Variants in FAM117B observed in about 807,000 individuals in gnomAD.
FAM117B encodes the protein family with sequence similarity 117 member B.
Under a neutral mutation model 52.8 loss-of-function variants are expected in FAM117B, and 22 were observed. That is an observed-to-expected ratio of 0.42 (90% confidence interval 0.30 to 0.59). FAM117B has a LOEUF of 0.59. FAM117B is among the 20% of genes least tolerant of loss of function. The pLI, the probability that FAM117B is intolerant of heterozygous loss-of-function variation, is 0.22. For synonymous variants in FAM117B, 309 were observed against 324.1 expected (o/e 0.95, Z 0.50); for missense variants, 678 against 802.6 (o/e 0.84, Z 1.88).
intron 1 of FAM117B, among the ~76,000 whole-genome samples, chr2:202,655,905 A>T (rs1301842426): frequency 3.9e-5 from 6 of 152,152 alleles, no homozygotes; most frequent in Non-Finnish European, 7.3e-5. Context: ...TTTTGTTAGA[A>T]AAATTTTAAC....
intron 4 of FAM117B, among the ~76,000 whole-genome samples, chr2:202,738,936 C>T (rs1008811636): frequency 6.6e-6 from 1 of 152,158 alleles, no homozygotes; most frequent in Non-Finnish European, 1.5e-5. Flanking sequence ...CGCCTGTAAT[C>T]CCAGCACTTC....
intron 4 of FAM117B, among the ~76,000 whole-genome samples, chr2:202,741,037 C>T (rs1691526155): frequency 6.6e-6 from 1 of 152,104 alleles, no homozygotes; most frequent in Non-Finnish European, 1.5e-5. Flanking sequence ...AGGAACAAGG[C>T]AAGGATTCTT....
chr2:202,666,136 ATTG>A (rs1255326049), intron 1 of FAM117B, among the ~76,000 whole-genome samples: 1 of 152,202 alleles, frequency 6.6e-6, no homozygotes, highest in Non-Finnish European at 1.5e-5. Context: ...TGGGAATGGT[ATTG>A]TTACAAAGCA....
At chr2:202,672,159 C>T (rs559028498) in intron 1 of FAM117B, among the ~76,000 whole-genome samples, 214 of 152,274 alleles carry the variant, frequency 1.4e-3, no homozygotes, top group Non-Finnish European at 2.8e-3. Context: ...CACATTTATT[C>T]TTTTTTATTT....
At chr2:202,764,880 G>T (rs575648109) in intron 7 of FAM117B, among the ~76,000 whole-genome samples, 20 of 152,244 alleles carry the variant, frequency 1.3e-4, no homozygotes, top group Non-Finnish European at 2.4e-4. Flanking sequence ...TCAAAGAATT[G>T]TTTCCATCAA....
At chr2:202,685,424 G>A (rs1690524167) in intron 1 of FAM117B, among the ~76,000 whole-genome samples, 1 of 152,072 alleles carries the variant, frequency 6.6e-6, no homozygotes, top group Non-Finnish European at 1.5e-5. Flanking sequence ...TATAATATAA[G>A]CCTGCAGTTA....
intron 1 of FAM117B, among the ~76,000 whole-genome samples, chr2:202,676,381 T>G (rs961555676): frequency 1.4e-4 from 22 of 152,096 alleles, no homozygotes; most frequent in Non-Finnish European, 2.4e-4. Flanking sequence ...CCTTGTTTTT[T>G]TTTTTTTTTT....
chr2:202,713,480 T>G (rs1690988213), intron 2 of FAM117B, among the ~76,000 whole-genome samples: 1 of 152,208 alleles, frequency 6.6e-6, no homozygotes, highest in Admixed American at 6.5e-5. Flanking sequence ...TTTTGTTTTG[T>G]TGATCTTTTG....
At chr2:202,693,960 A>C (rs1156491623) in intron 1 of FAM117B, among the ~76,000 whole-genome samples, 1 of 152,148 alleles carries the variant, frequency 6.6e-6, no homozygotes, top group African/African-American at 2.4e-5. Context: ...AAGGATGTGC[A>C]CATTGAATAT....
chr2:202,725,238 C>A, intron 3 of FAM117B: 2 of 309,138 alleles, frequency 6.5e-6, no homozygotes, highest in Non-Finnish European at 1.2e-5. Context: ...TAGGAGAATT[C>A]ATACCTGTCT....
chr2:202,726,440 G>A (rs1397798185), intron 4 of FAM117B, 77 bp downstream of exon 4: 2 of 1,072,914 alleles, frequency 1.9e-6, no homozygotes, highest in Non-Finnish European at 2.8e-6. Context: ...ATTGGTAATT[G>A]TTTAGGACAA....
chr2:202,702,410 GAAATA>G (rs1009046358), intron 2 of FAM117B, among the ~76,000 whole-genome samples: 23 of 151,952 alleles, frequency 1.5e-4, no homozygotes, highest in Admixed American at 1.2e-3. Flanking sequence ...AAGAAAGAAA[GAAATA>G]AAATAAATAA....
At chr2:202,718,978 C>G (rs1574568157) in intron 2 of FAM117B, among the ~76,000 whole-genome samples, 1 of 152,160 alleles carries the variant, frequency 6.6e-6, no homozygotes, top group East Asian at 1.9e-4. Flanking sequence ...TCCTCTTGAC[C>G]TCCAATCGTT....
intron 1 of FAM117B, among the ~76,000 whole-genome samples, chr2:202,670,476 G>A (rs1014602578): frequency 2.6e-5 from 4 of 151,696 alleles, no homozygotes; most frequent in Non-Finnish European, 5.9e-5. Flanking sequence ...TTTTAGAGAC[G>A]GGGTTTCATG....
chr2:202,724,161 G>A (rs758835202), intron 2 of FAM117B, among the ~76,000 whole-genome samples: 2 of 144,504 alleles, frequency 1.4e-5, no homozygotes, highest in Non-Finnish European at 3.0e-5. Flanking sequence ...GGGTTCAAGC[G>A]ATTCTCCTGC....
chr2:202,653,985 C>A (rs565833054), intron 1 of FAM117B, among the ~76,000 whole-genome samples: 1 of 151,316 alleles, frequency 6.6e-6, no homozygotes, highest in African/African-American at 2.4e-5. Flanking sequence ...TTTGTCAGGA[C>A]AGAGGTAGAC....
At chr2:202,677,099 C>T (rs547118322) in intron 1 of FAM117B, among the ~76,000 whole-genome samples, 2 of 149,680 alleles carry the variant, frequency 1.3e-5, no homozygotes, top group Admixed American at 6.6e-5. Context: ...GAGACAGTCT[C>T]GCTCTGTCAC....
chr2:202,759,515 C>T (rs1244082173), intron 7 of FAM117B, among the ~76,000 whole-genome samples, 162 bp downstream of exon 7: 1 of 152,016 alleles, frequency 6.6e-6, no homozygotes, highest in African/African-American at 2.4e-5. Flanking sequence ...CCTCAACCTC[C>T]CAAGTAGCTG....
At chr2:202,740,201 A>AAAAAAAAAC (rs1559113324) in intron 4 of FAM117B, among the ~76,000 whole-genome samples, 1 of 147,508 alleles carries the variant, frequency 6.8e-6, no homozygotes, top group African/African-American at 2.5e-5. Context: ...AAAAAAAAAA[A>AAAAAAAAAC]ATCCCCAAAT....
Sources: allele counts gnomAD v4.1 joint callset (sites outside exome capture counted in the v4.1 genomes callset), GRCh38; gene constraint gnomAD v4.1.1; transcripts MANE v1.5; gene names NCBI Gene and HGNC (gene_info 2026-07-23, HGNC 2026-07-21).